Variants in SUN3 observed in about 807,000 individuals in gnomAD.
SUN3 encodes Sad1 and UNC84 domain containing 3.
Under a neutral mutation model 48.2 loss-of-function variants are expected in SUN3, and 36 were observed. The ratio of observed to expected loss-of-function variants is 0.75; its 90% CI spans 0.57 to 0.99. SUN3 has a LOEUF of 0.99. Among genes scored for constraint, SUN3 ranks in the 50% least tolerant of loss-of-function variants. The pLI is 0.00. For missense variants in SUN3, 419 were observed against 433.1 expected, an observed-to-expected ratio of 0.97 and a Z score of 0.29; for synonymous variants, 148 against 147.9, an observed-to-expected ratio of 1.00 and a Z score of 0.00.
intron 4 of SUN3, among the ~76,000 whole-genome samples, chr7:48,008,751 T>C (rs1044249602): frequency 6.6e-6 from 1 of 152,240 alleles, no homozygotes; most frequent in African/African-American, 2.4e-5. Context: ...ATAAATGTAC[T>C]ATTTTTAATA....
the SUN3 span, chr7:48,035,581 T>TC: frequency 4.3e-6 from 3 of 696,284 alleles, no homozygotes; most frequent in Non-Finnish European, 5.2e-6. The surrounding 1 kb of genome is among the most constrained non-coding windows in gnomAD (Gnocchi z 4.0). Context: ...GTGTAAAAAC[T>TC]CCAACGCCGG....
intron 3 of SUN3, among the ~76,000 whole-genome samples, chr7:48,014,685 CA>C (rs1789764385): frequency 6.6e-6 from 1 of 152,190 alleles, no homozygotes; most frequent in Non-Finnish European, 1.5e-5. Flanking sequence ...CAGGCACTAA[CA>C]GAACCTGCCA....
At chr7:48,008,651 G>A (rs1789598763) in intron 4 of SUN3, among the ~76,000 whole-genome samples, 1 of 152,138 alleles carries the variant, frequency 6.6e-6, no homozygotes, top group Non-Finnish European at 1.5e-5. Flanking sequence ...TTACTGTTTG[G>A]TGTTTAAAAT....
At position 48,002,471 on chromosome 7, in the gene SUN3, C is replaced by T. The variant is rs932417000; in HGVS notation, c.577+3498G>A. On this transcript the variant is annotated intron_variant, in intron 6 of 9. Coordinates refer to ENST00000297325, the MANE Select transcript of SUN3 (RefSeq NM_001030019.2). ...CCGCGCCCGGCCTTGATTTGCATTT[C>T]TCTAATGATCAGTGACGTCGAGATT... Among the ~76,000 whole-genome samples, 2 of 139,622 alleles carry T rather than the reference C, an allele frequency of 1.4e-5. 1 individual carries two copies. Among genetic ancestry groups the T allele is most frequent in the African/African-American group, 5.3e-5 (2 of 37,390 alleles). 91.6% of individuals were successfully genotyped at this position (139,622 alleles called of 152,430 possible).
intron 3 of SUN3, among the ~76,000 whole-genome samples, chr7:48,013,155 C>T (rs975984866): frequency 6.6e-6 from 1 of 152,110 alleles, no homozygotes; most frequent in African/African-American, 2.4e-5. Flanking sequence ...GAATGGCAGG[C>T]CCAGTCTCAA....
chr7:48,027,405 T>C (rs571850115), intron 1 of SUN3, among the ~76,000 whole-genome samples: 1 of 152,328 alleles, frequency 6.6e-6, no homozygotes, highest in Admixed American at 6.5e-5. Context: ...GATACATGCA[T>C]AATCCGTTGC....
At chr7:48,026,362 C>G (rs940674837) in intron 1 of SUN3, among the ~76,000 whole-genome samples, 4 of 152,030 alleles carry the variant, frequency 2.6e-5, no homozygotes, top group African/African-American at 9.7e-5. Flanking sequence ...AGAACTATGA[C>G]AGTTAAGAAA....
chr7:47,989,909 T>C (rs1443423356), intron 8 of SUN3, among the ~76,000 whole-genome samples: 2 of 152,214 alleles, frequency 1.3e-5, no homozygotes, highest in African/African-American at 4.8e-5. Flanking sequence ...GAAGGCAGCA[T>C]GCTTGTTAAG....
At chr7:48,034,515 C>T in the SUN3 span, among the ~76,000 whole-genome samples, 1 of 152,318 alleles carries the variant, frequency 6.6e-6, no homozygotes, top group East Asian at 1.9e-4. Flanking sequence ...AACAGGATTT[C>T]TTTGAATGTT....
rs561681679 is a variant in SUN3, at chr7:47,996,864, G to C, written c.578-718C>G. 2.9e-3 allele frequency among the ~76,000 whole-genome samples: 428 copies of C among 150,098 alleles called. 5 individuals are homozygous for C. Among genetic ancestry groups the C allele is most frequent in the African/African-American group, 9.8e-3 (399 of 40,746 alleles). The stretch of plus-strand genomic sequence containing the variant: ...GTCGCCAGGCTGGAGTGCAGTGGTG[G>C]AATCTTGGCTCACTGCAACCTCCGC... On this transcript the variant is annotated intron_variant, in intron 6 of 9. Transcript: ENST00000297325.
the SUN3 span, chr7:48,035,432 C>T: frequency 1.5e-6 from 1 of 678,372 alleles, no homozygotes; most frequent in Non-Finnish European, 2.7e-6. The surrounding 1 kb of genome is among the most constrained non-coding windows in gnomAD (Gnocchi z 4.0). Context: ...CACCGCTCCC[C>T]CTCAGGCTTC....
chr7:47,998,492 C>G (rs1008498433), intron 6 of SUN3, among the ~76,000 whole-genome samples: 1 of 152,228 alleles, frequency 6.6e-6, no homozygotes, highest in Middle Eastern at 3.4e-3. Context: ...AATATTCTCC[C>G]CTAGCCTGTA....
intron 8 of SUN3, among the ~76,000 whole-genome samples, chr7:47,993,385 C>A (rs1789119154): frequency 6.6e-6 from 1 of 151,276 alleles, no homozygotes; most frequent in Non-Finnish European, 1.5e-5. Context: ...TACATAATGA[C>A]CAAAAAAATG....
chr7:48,021,237 C>A (rs1330292366), intron 2 of SUN3, among the ~76,000 whole-genome samples: 2 of 152,086 alleles, frequency 1.3e-5, no homozygotes, highest in African/African-American at 2.4e-5. Flanking sequence ...ACCCCTATCT[C>A]CTGCCATATA....
intron 3 of SUN3, among the ~76,000 whole-genome samples, chr7:48,015,567 G>A (rs1300323467): frequency 6.6e-6 from 1 of 152,180 alleles, no homozygotes; most frequent in Non-Finnish European, 1.5e-5. Context: ...AGCAAAAAGG[G>A]TATGAAGTAG....
At chr7:48,009,506 A>C (rs1237582993) in intron 3 of SUN3, among the ~76,000 whole-genome samples, 2 of 152,176 alleles carry the variant, frequency 1.3e-5, no homozygotes, top group Non-Finnish European at 2.9e-5. Context: ...GACCATGCTG[A>C]GCTCTTTGGG....
At chr7:48,006,363 G>A (rs1010711238) in intron 5 of SUN3, among the ~76,000 whole-genome samples, 1 of 152,112 alleles carries the variant, frequency 6.6e-6, no homozygotes, top group Non-Finnish European at 1.5e-5. Flanking sequence ...GTGCTCTCCC[G>A]GTGAGGTGCT....
chr7:48,026,320 T>G (rs1298398332), intron 1 of SUN3, among the ~76,000 whole-genome samples: 1 of 152,110 alleles, frequency 6.6e-6, no homozygotes, highest in Non-Finnish European at 1.5e-5. Flanking sequence ...AAAATCAGGT[T>G]CTGATTTTAT....
At chr7:48,035,244 TCCACGTCC>T in the SUN3 span, among the ~76,000 whole-genome samples, 1 of 152,146 alleles carries the variant, frequency 6.6e-6, no homozygotes, top group Non-Finnish European at 1.5e-5. This position sits in a 1 kb window ranked among gnomAD's most constrained non-coding sequence, Gnocchi z 4.0. Context: ...TCTTCCTGCG[TCCACGTCC>T]CCACGTCCCC....
Sources: allele counts gnomAD v4.1 joint callset (sites outside exome capture counted in the v4.1 genomes callset), GRCh38; gene constraint gnomAD v4.1.1; non-coding constraint Gnocchi (gnomAD v3.1); transcripts MANE v1.5; gene names NCBI Gene and HGNC (gene_info 2026-07-23, HGNC 2026-07-21).